Variants in DNAI1 observed in about 807,000 individuals in gnomAD.
The protein encoded by DNAI1 is dynein axonemal intermediate chain 1, also known as dynein, axonemal, intermediate polypeptide 1.
DNAI1 carries 67 observed loss-of-function variants against 92.0 expected under a neutral mutation model. The ratio of observed to expected loss-of-function variants is 0.73; its 90% CI spans 0.60 to 0.89. The LOEUF (loss-of-function observed/expected upper bound fraction) is 0.89. DNAI1 is among the 40% of genes least tolerant of loss of function. The pLI is 0.00. For missense variants in DNAI1, 839 were observed against 866.6 expected (o/e 0.97, Z 0.40); for synonymous variants, 323 against 319.6 (o/e 1.01, Z -0.11).
intron 12 of DNAI1, among the ~76,000 whole-genome samples, chr9:34,505,011 C>T (rs761192594): frequency 1.3e-5 from 2 of 152,166 alleles, no homozygotes; most frequent in Non-Finnish European, 2.9e-5. Context: ...AAAGTGCCAT[C>T]TATGGGAGCC....
chr9:34,489,266 AT>A, intron 4 of DNAI1, 56 bp from the exon 5 acceptor site: 1 of 1,605,256 alleles, frequency 6.2e-7, no homozygotes, highest in South Asian at 1.1e-5. Flanking sequence ...AGCAGATTAC[AT>A]TTTGACTCCA....
At chr9:34,470,616 A>G (rs1490002266) in intron 1 of DNAI1, among the ~76,000 whole-genome samples, 1 of 152,256 alleles carries the variant, frequency 6.6e-6, no homozygotes, top group Middle Eastern at 3.2e-3. Flanking sequence ...AGATGTAAGC[A>G]TCAAAAAATG....
At chr9:34,506,896 G>A (rs773680315) in intron 13 of DNAI1, 22 bp downstream of exon 13, 5 of 1,610,508 alleles carry the variant, frequency 3.1e-6, no homozygotes, top group East Asian at 4.5e-5. Context: ...GGCTGGGAGG[G>A]GTGGGGATGG....
rs1051370651 is a variant in DNAI1 at position 34,520,812 on chromosome 9, C to A, written c.*56C>A. On this transcript the variant is annotated 3_prime_UTR_variant, in exon 20 of 20. Transcript: ENST00000242317. Reference sequence around the variant, plus strand: ...TGAATACAGTACTCCTAGGGCTTGACCCTGGTACCCAGCCCAGCCTTAGCA... The same window carrying A: ...TGAATACAGTACTCCTAGGGCTTGAACCTGGTACCCAGCCCAGCCTTAGCA... 47 of 1,518,250 alleles carry A rather than the reference C, an allele frequency of 3.1e-5. 1 individual carries two copies. The highest frequency in any genetic ancestry group is 3.9e-5 in the Admixed American group (2 of 50,940). The allele number at this position is 1,518,250 out of a possible 1,614,324, so 94.0% of individuals were successfully genotyped here. A position where few individuals can be genotyped will look rare whatever the true frequency, so the allele number is the denominator to read the frequency against.
intron 1 of DNAI1, among the ~76,000 whole-genome samples, chr9:34,467,641 A>C (rs989060937): frequency 6.7e-6 from 1 of 150,242 alleles, no homozygotes; most frequent in Non-Finnish European, 1.5e-5. Flanking sequence ...CTCTAAAATA[A>C]ATAAATAAAT....
At position 34,493,248 on chromosome 9, in the gene DNAI1, GAGA is replaced by G; in HGVS notation, c.739_741del (p.Lys247del). 6.2e-7 allele frequency: 1 copy of G among 1,614,230 alleles called. No individual in the cohort carries two copies. The highest frequency in any genetic ancestry group is 1.3e-5 in the African/African-American group (1 of 75,056). ...ACTTGAGAAGCAGGAAAAGACCAAA[GAGA>G]AGGAGAAGGCAAAGACCCCAGTGGC... On this transcript the variant is annotated inframe_deletion, in exon 9 of 20. Transcript: ENST00000242317.
chr9:34,512,470 A>G (rs374655270), intron 15 of DNAI1, 46 bp downstream of exon 15: 2 of 1,557,976 alleles, frequency 1.3e-6, no homozygotes, highest in Non-Finnish European at 1.8e-6. Context: ...CAGGTCATTC[A>G]GGCCCAGTGA....
intron 7 of DNAI1, 162 bp from the exon 8 acceptor site, chr9:34,491,333 G>A (rs1824585891): frequency 2.8e-6 from 2 of 724,938 alleles, no homozygotes; most frequent in Non-Finnish European, 5.0e-6. Context: ...GGCTTTGAAT[G>A]CATCATTCAG....
At chr9:34,479,144 A>G (rs1824291953) in intron 1 of DNAI1, among the ~76,000 whole-genome samples, 1 of 152,202 alleles carries the variant, frequency 6.6e-6, no homozygotes, top group Admixed American at 6.5e-5. Context: ...GGGAAAACAC[A>G]GGCCAGGCCC....
At chr9:34,497,291 C>G (rs1405641954) in intron 10 of DNAI1, 92 bp downstream of exon 10, 3 of 952,868 alleles carry the variant, frequency 3.1e-6, no homozygotes, top group Non-Finnish European at 5.2e-6. Flanking sequence ...TTGCTAGCTC[C>G]TATAGGTGCA....
At chr9:34,507,481 C>T (rs1824961186) in intron 13 of DNAI1, among the ~76,000 whole-genome samples, 1 of 152,136 alleles carries the variant, frequency 6.6e-6, no homozygotes, top group African/African-American at 2.4e-5. Flanking sequence ...AGTGGATCAT[C>T]ACAAAGGTCT....
intron 1 of DNAI1, among the ~76,000 whole-genome samples, chr9:34,476,954 C>A (rs1408596449): frequency 6.6e-6 from 1 of 152,102 alleles, no homozygotes; most frequent in Non-Finnish European, 1.5e-5. Flanking sequence ...GAGGTAGATG[C>A]CATGTTCAGG....
At chr9:34,480,042 G>A (rs747596730) in intron 1 of DNAI1, among the ~76,000 whole-genome samples, 4 of 152,158 alleles carry the variant, frequency 2.6e-5, no homozygotes, top group Non-Finnish European at 4.4e-5. Context: ...GATCACACAA[G>A]TGGTCAGTGA....
intron 19 of DNAI1, among the ~76,000 whole-genome samples, chr9:34,520,318 C>G (rs760188355): frequency 6.6e-6 from 1 of 152,204 alleles, no homozygotes; most frequent in Admixed American, 6.5e-5. Flanking sequence ...GTCAGCCCCC[C>G]GCCTTCGCAG....
chr9:34,480,088 A>G (rs527518763), intron 1 of DNAI1, among the ~76,000 whole-genome samples: 2 of 152,132 alleles, frequency 1.3e-5, no homozygotes, highest in Non-Finnish European at 2.9e-5. Flanking sequence ...CCAATGTGCC[A>G]TGCTGCCACC....
rs886063881 is a variant in DNAI1 at position 34,489,997 on chromosome 9, C to T, written c.389-15C>T. 20 of 1,613,586 alleles carry T rather than the reference C, an allele frequency of 1.2e-5. No homozygotes were observed. Among genetic ancestry groups the T allele is most frequent in the Non-Finnish European group, 1.5e-5 (18 of 1,179,832 alleles). On this transcript the variant is annotated splice_polypyrimidine_tract_variant and intron_variant, in intron 5 of 19. Coordinates refer to ENST00000242317, the MANE Select transcript of DNAI1 (RefSeq NM_012144.4). ...CAGGCTTAGACTTTGAACTCATTGG[C>T]AGTATCCTACCAAGGTTCTCAGGAG... is the stretch of plus-strand genomic sequence containing the variant.
intron 19 of DNAI1, among the ~76,000 whole-genome samples, chr9:34,517,824 C>T (rs1189023829): frequency 6.6e-6 from 1 of 152,194 alleles, no homozygotes; most frequent in Non-Finnish European, 1.5e-5. Flanking sequence ...GGGGCTGAGC[C>T]ACTGCCTCAT....
At chr9:34,500,014 G>T (rs1824796165) in intron 10 of DNAI1, among the ~76,000 whole-genome samples, 1 of 152,194 alleles carries the variant, frequency 6.6e-6, no homozygotes, top group African/African-American at 2.4e-5. Context: ...GATGGATGTT[G>T]GGGCCTGAAC....
intron 12 of DNAI1, 117 bp from the exon 13 acceptor site, chr9:34,506,510 C>T: frequency 2.1e-6 from 3 of 1,395,798 alleles, no homozygotes; most frequent in East Asian, 2.4e-5. Context: ...GAATCCCACA[C>T]TCTGACAGAT....
Sources: allele counts gnomAD v4.1 joint callset (sites outside exome capture counted in the v4.1 genomes callset), GRCh38; gene constraint gnomAD v4.1.1; transcripts MANE v1.5; gene names NCBI Gene and HGNC (gene_info 2026-07-23, HGNC 2026-07-21).